CNTNAP2: variants seen among roughly 807,000 people sequenced by gnomAD.
CNTNAP2 encodes contactin-associated protein-like 2.
A neutral mutation model predicts 155.2 loss-of-function variants in CNTNAP2; 98 were observed. That is an observed-to-expected ratio of 0.63 (90% confidence interval 0.54 to 0.75). The LOEUF is 0.75. Among genes scored for constraint, CNTNAP2 ranks in the 30% least tolerant of loss-of-function variants. The pLI is 0.00. For synonymous variants in CNTNAP2, 651 were observed against 631.2 expected, an observed-to-expected ratio of 1.03 and a Z score of -0.47; for missense variants, 1,727 against 1,688.1, an observed-to-expected ratio of 1.02 and a Z score of -0.40.
intron 13 of CNTNAP2, among the ~76,000 whole-genome samples, chr7:147,844,908 C>T (rs375504974): frequency 3.6e-4 from 50 of 138,568 alleles, no homozygotes; most frequent in East Asian, 6.2e-4. Flanking sequence ...TATTGATTTG[C>T]GTATATTGAA....
chr7:146,173,564 CAT>C (rs1798425634), intron 1 of CNTNAP2, among the ~76,000 whole-genome samples: 1 of 151,972 alleles, frequency 6.6e-6, no homozygotes, highest in South Asian at 2.1e-4. Context: ...TGCTATATGC[CAT>C]ATGTTTCCTG....
At chr7:147,928,837 T>C (rs977017663) in intron 14 of CNTNAP2, among the ~76,000 whole-genome samples, 8 of 151,994 alleles carry the variant, frequency 5.3e-5, no homozygotes, top group African/African-American at 1.9e-4. Context: ...ACGCCTGTAA[T>C]CCCAGGACTT....
intron 1 of CNTNAP2, among the ~76,000 whole-genome samples, chr7:146,593,168 ATAT>A (rs1442975987): frequency 6.7e-6 from 1 of 149,938 alleles, no homozygotes. Flanking sequence ...ATTATTATTA[ATAT>A]TATTATTATT....
intron 16 of CNTNAP2, among the ~76,000 whole-genome samples, chr7:148,119,646 T>C (rs973566276): frequency 6.6e-6 from 1 of 152,246 alleles, no homozygotes; most frequent in Non-Finnish European, 1.5e-5. Flanking sequence ...GCTGAAATGC[T>C]ATTGGATTCA....
chr7:146,687,752 T>TG (rs1800627089), intron 1 of CNTNAP2, among the ~76,000 whole-genome samples: 1 of 152,166 alleles, frequency 6.6e-6, no homozygotes, highest in Non-Finnish European at 1.5e-5. Flanking sequence ...GAGATGACAA[T>TG]GCAACCAGGA....
At chr7:147,566,758 T>A (rs937727983) in intron 12 of CNTNAP2, among the ~76,000 whole-genome samples, 5 of 152,136 alleles carry the variant, frequency 3.3e-5, no homozygotes, top group Admixed American at 6.5e-5. Flanking sequence ...CAATTCAAGA[T>A]GAGATTCGGA....
At chr7:147,082,277 C>G (rs550149732) in intron 4 of CNTNAP2, among the ~76,000 whole-genome samples, 2 of 152,270 alleles carry the variant, frequency 1.3e-5, no homozygotes, top group East Asian at 3.9e-4. Flanking sequence ...CAACATGCTC[C>G]CCTTTTCTTT....
chr7:146,327,636 C>G (rs1481909656), intron 1 of CNTNAP2, among the ~76,000 whole-genome samples: 1 of 152,142 alleles, frequency 6.6e-6, no homozygotes, highest in Non-Finnish European at 1.5e-5. Flanking sequence ...TTTTGAAGGT[C>G]AATTTTTATG....
chr7:146,393,639 G>A (rs903372126), intron 1 of CNTNAP2, among the ~76,000 whole-genome samples: 7 of 152,210 alleles, frequency 4.6e-5, no homozygotes, highest in African/African-American at 1.7e-4. Context: ...GGAGCTGAAA[G>A]CCTCCTGTTG....
chr7:146,735,275 A>C (rs1445189334), intron 1 of CNTNAP2, among the ~76,000 whole-genome samples: 1 of 152,200 alleles, frequency 6.6e-6, no homozygotes, highest in East Asian at 1.9e-4. Context: ...GTTTGTGGCC[A>C]GGCACGGTGG....
At chr7:147,110,552 T>C (rs957957812) in intron 5 of CNTNAP2, among the ~76,000 whole-genome samples, 2 of 152,100 alleles carry the variant, frequency 1.3e-5, no homozygotes, top group East Asian at 1.9e-4. Flanking sequence ...ACAGACCCCA[T>C]GTGTGTTGTT....
At chr7:147,360,159 T>G (rs1292995624) in intron 9 of CNTNAP2, among the ~76,000 whole-genome samples, 1 of 152,156 alleles carries the variant, frequency 6.6e-6, no homozygotes, top group African/African-American at 2.4e-5. Flanking sequence ...CTTCAAGCTT[T>G]GACCTAATTT....
intron 3 of CNTNAP2, among the ~76,000 whole-genome samples, chr7:146,931,074 C>A (rs1473910308): frequency 2.6e-5 from 4 of 151,848 alleles, no homozygotes; most frequent in African/African-American, 9.7e-5. Flanking sequence ...CTCAGCTCTG[C>A]ACCAAGTGGA....
chr7:148,143,923 G>T (rs1344491542), intron 16 of CNTNAP2, among the ~76,000 whole-genome samples: 1 of 152,172 alleles, frequency 6.6e-6, no homozygotes, highest in African/African-American at 2.4e-5. Context: ...TCCAAAGTGG[G>T]TAGCTGGCAA....
At chr7:146,592,633 G>A (rs1309571188) in intron 1 of CNTNAP2, among the ~76,000 whole-genome samples, 1 of 152,130 alleles carries the variant, frequency 6.6e-6, no homozygotes, top group Non-Finnish European at 1.5e-5. Flanking sequence ...CAGAACCAAT[G>A]TAGGAATTCA....
chr7:146,858,125 C>G (rs999727225), intron 3 of CNTNAP2, among the ~76,000 whole-genome samples: 3 of 152,156 alleles, frequency 2.0e-5, no homozygotes, highest in Admixed American at 2.0e-4. Flanking sequence ...AGATCTTGTT[C>G]TGGAAAAATC....
chr7:147,866,072 T>G (rs1799220821), intron 13 of CNTNAP2, among the ~76,000 whole-genome samples: 1 of 152,222 alleles, frequency 6.6e-6, no homozygotes. Flanking sequence ...TGCTATAAAT[T>G]TCCCTCTATA....
intron 3 of CNTNAP2, among the ~76,000 whole-genome samples, chr7:146,914,384 G>A (rs1414659821): frequency 6.6e-6 from 1 of 152,022 alleles, no homozygotes; most frequent in Non-Finnish European, 1.5e-5. Context: ...GTTTTTCACA[G>A]TAGTTGTCCT....
At chr7:147,902,892 T>C (rs1025703179) in intron 13 of CNTNAP2, among the ~76,000 whole-genome samples, 10 of 151,540 alleles carry the variant, frequency 6.6e-5, no homozygotes, top group Admixed American at 6.6e-4. Flanking sequence ...GCATTTAGGT[T>C]GCTTCCACAT....
Sources: allele counts gnomAD v4.1 joint callset (sites outside exome capture counted in the v4.1 genomes callset), GRCh38; gene constraint gnomAD v4.1.1; transcripts MANE v1.5; gene names NCBI Gene and HGNC (gene_info 2026-07-23, HGNC 2026-07-21).